Variants in R3HDM2 observed in about 807,000 individuals in gnomAD.
R3HDM2 encodes the protein R3H domain-containing protein 2.
R3HDM2 carries 38 observed loss-of-function variants against 124.5 expected under a neutral mutation model. The ratio of observed to expected loss-of-function variants is 0.31; its 90% CI spans 0.24 to 0.40. The LOEUF is 0.40. R3HDM2 is among the 10% of genes least tolerant of loss of function. The probability of loss-of-function intolerance (pLI) is 1.00; values close to 1 mark genes in which losing one functional copy is unlikely to be tolerated. For missense variants in R3HDM2, 869 were observed against 1,236.9 expected (o/e 0.70, Z 4.46); for synonymous variants, 391 against 448.0 (o/e 0.87, Z 1.61).
Position 57,377,106 on chromosome 12 carries a change from A to AT in R3HDM2, c.-36+18642_-36+18643insA, listed in dbSNP as rs59025569. On this transcript the variant is annotated intron_variant, in intron 2 of 23. Transcript: ENST00000402412. Reference sequence around the variant, plus strand: ...AATAAATAAATAAATAAATAAATAAAAGAGACTTGGTCTCAGAAAAAAAAA... The same window carrying AT: ...AATAAATAAATAAATAAATAAATAAATAGAGACTTGGTCTCAGAAAAAAAAA... Among the ~76,000 whole-genome samples, 125 of 130,406 alleles carry AT rather than the reference A, an allele frequency of 9.6e-4. 1 individual carries two copies. The highest frequency in any genetic ancestry group is 2.1e-3 in the Admixed American group (23 of 10,866). The allele number at this position is 130,406 out of a possible 152,430, so 85.6% of individuals were successfully genotyped here. A position where few individuals can be genotyped will look rare whatever the true frequency, so the allele number is the denominator to read the frequency against.
At chr12:57,386,651 C>T (rs2065874420) in intron 2 of R3HDM2, among the ~76,000 whole-genome samples, 1 of 152,242 alleles carries the variant, frequency 6.6e-6, no homozygotes, top group African/African-American at 2.4e-5. Context: ...CTGAGCAGTG[C>T]AGGCCCACTG....
chr12:57,316,751 ATT>A (rs778925176), intron 2 of R3HDM2, among the ~76,000 whole-genome samples: 101 of 132,460 alleles, frequency 7.6e-4, no homozygotes, highest in Non-Finnish European at 7.1e-4. Context: ...ACGCCCAGCT[ATT>A]TTTTTTTTTT....
intron 2 of R3HDM2, among the ~76,000 whole-genome samples, chr12:57,373,376 T>G (rs1334705546): frequency 6.6e-6 from 1 of 151,996 alleles, no homozygotes; most frequent in Non-Finnish European, 1.5e-5. Flanking sequence ...GGCGGGCGCC[T>G]GTAGTACCAG....
chr12:57,346,490 AGAAG>A (rs2060105608), intron 2 of R3HDM2, among the ~76,000 whole-genome samples: 1 of 152,146 alleles, frequency 6.6e-6, no homozygotes, highest in South Asian at 2.1e-4. Context: ...CATGAGAACT[AGAAG>A]GAAGTGGGAC....
At chr12:57,259,197 A>G (rs1402752188) in intron 19 of R3HDM2, 138 bp from the exon 20 acceptor site, 3 of 812,550 alleles carry the variant, frequency 3.7e-6, no homozygotes, top group Non-Finnish European at 5.6e-6. Flanking sequence ...CAGGAACCTG[A>G]GATGGCTGCT....
intron 1 of R3HDM2, among the ~76,000 whole-genome samples, chr12:57,396,782 A>G (rs2067575654): frequency 6.6e-6 from 1 of 150,968 alleles, no homozygotes; most frequent in African/African-American, 2.4e-5. Context: ...TGTCTCAAAA[A>G]AAAAAAAAAA....
intron 2 of R3HDM2, among the ~76,000 whole-genome samples, chr12:57,336,103 A>G (rs988857376): frequency 6.6e-6 from 1 of 151,264 alleles, no homozygotes; most frequent in African/African-American, 2.4e-5. Context: ...TTTTAATTTC[A>G]TACCTCACAC....
intron 2 of R3HDM2, among the ~76,000 whole-genome samples, chr12:57,342,361 TC>T (rs1380412126): frequency 6.6e-6 from 1 of 150,956 alleles, no homozygotes; most frequent in East Asian, 2.0e-4. Context: ...CTGCTGGAGC[TC>T]CAGCTAACTA....
intron 2 of R3HDM2, among the ~76,000 whole-genome samples, chr12:57,360,637 A>AG (rs1388513275): frequency 6.6e-6 from 1 of 151,796 alleles, no homozygotes; most frequent in East Asian, 1.9e-4. Context: ...ATAAGGAAAA[A>AG]GGAAGGGAAG....
chr12:57,262,903 A>T (rs1001500928), intron 19 of R3HDM2, among the ~76,000 whole-genome samples: 1 of 152,210 alleles, frequency 6.6e-6, no homozygotes, highest in African/African-American at 2.4e-5. Context: ...AACCAGGGTA[A>T]CTAAGAACAA....
chr12:57,338,130 C>T (rs1173532632), intron 2 of R3HDM2, among the ~76,000 whole-genome samples: 1 of 152,078 alleles, frequency 6.6e-6, no homozygotes, highest in East Asian at 1.9e-4. Flanking sequence ...ATGGAGAAAC[C>T]CTGTCTCTAC....
intron 11 of R3HDM2, 103 bp from the exon 12 acceptor site, chr12:57,289,143 A>C: frequency 1.8e-6 from 2 of 1,139,342 alleles, no homozygotes; most frequent in South Asian, 2.7e-5. Context: ...CCTCAAACCA[A>C]AGCTCACCCC....
At chr12:57,414,303 T>A (rs1306474820) in intron 1 of R3HDM2, among the ~76,000 whole-genome samples, 1 of 147,766 alleles carries the variant, frequency 6.8e-6, no homozygotes, top group East Asian at 2.1e-4. Flanking sequence ...CTGGCCAACA[T>A]GGTGAAACCC....
chr12:57,414,995 G>A (rs369006490), intron 1 of R3HDM2, among the ~76,000 whole-genome samples: 27 of 152,100 alleles, frequency 1.8e-4, no homozygotes, highest in African/African-American at 6.3e-4. Context: ...CAGAGTGTAA[G>A]GAAGTGCTCA....
chr12:57,342,979 A>G (rs2059717977), intron 2 of R3HDM2, among the ~76,000 whole-genome samples: 1 of 152,180 alleles, frequency 6.6e-6, no homozygotes, highest in African/African-American at 2.4e-5. Context: ...CTTTGGCTAT[A>G]AAATGAGGGA....
chr12:57,379,081 G>A (rs1301818529), intron 2 of R3HDM2, among the ~76,000 whole-genome samples: 3 of 151,936 alleles, frequency 2.0e-5, no homozygotes, highest in African/African-American at 7.3e-5. Context: ...AGGAGAATGG[G>A]GAATTATTGT....
Position 57,407,759 on chromosome 12 carries a change from G to A in R3HDM2, c.-105-11941C>T, listed in dbSNP as rs561093320. ...TTTTTTAAAGTCCTTATTTTTGTGCGTGTTTTTTTGTTTTCTTTTGTAGAG... is the reference window on the plus strand; with the variant it reads ...TTTTTTAAAGTCCTTATTTTTGTGCATGTTTTTTTGTTTTCTTTTGTAGAG... On this transcript the variant is annotated intron_variant, in intron 1 of 23. Coordinates refer to ENST00000402412, the MANE Select transcript of R3HDM2 (RefSeq NM_001394031.1). 5.3e-5 allele frequency among the ~76,000 whole-genome samples: 8 copies of A among 151,542 alleles called. No homozygotes were observed. In the South Asian group the frequency reaches 1.7e-3, roughly 32 times the overall value.
chr12:57,281,282 G>A lies in R3HDM2; in HGVS notation c.1172-752C>T, dbSNP rs1415494671. Among the ~76,000 whole-genome samples the A allele has an allele frequency of 1.5e-4, 18 of 123,058 alleles. No individual in the cohort carries two copies. The East Asian group carries it at 1.6e-3, about 11-fold the overall frequency. The allele number at this position is 123,058 out of a possible 152,430, so 80.7% of individuals were successfully genotyped here. On this transcript the variant is annotated intron_variant, in intron 13 of 23. Coordinates refer to ENST00000402412, the MANE Select transcript of R3HDM2 (RefSeq NM_001394031.1). ...AGCCTGGGCGACAAGAGCGAGACTC[G>A]GTCTCAAAAAAAAAAAAAAAAAAAA...
intron 2 of R3HDM2, among the ~76,000 whole-genome samples, chr12:57,369,843 TAAAAG>T (rs1286584475): frequency 1.3e-5 from 2 of 152,098 alleles, no homozygotes; most frequent in East Asian, 3.9e-4. Context: ...TTCAAAGTAA[TAAAAG>T]AAAAAGAAGT....
Sources: allele counts gnomAD v4.1 joint callset (sites outside exome capture counted in the v4.1 genomes callset), GRCh38; gene constraint gnomAD v4.1.1; transcripts MANE v1.5; gene names NCBI Gene and HGNC (gene_info 2026-07-23, HGNC 2026-07-21).